Variants in VPS4A observed in about 807,000 individuals in gnomAD.
The protein encoded by VPS4A is vacuolar protein sorting 4 homolog A.
In VPS4A, 20 loss-of-function variants were observed where a neutral mutation model predicts 52.3. That is an observed-to-expected ratio of 0.38 (90% CI 0.27 to 0.56). The LOEUF (loss-of-function observed/expected upper bound fraction) is 0.56, where lower values mean the gene tolerates loss of function less well. Ranked by LOEUF, VPS4A falls within the 20% of genes least tolerant of loss-of-function variation. VPS4A has a pLI of 0.72. For synonymous variants in VPS4A, 293 were observed against 227.7 expected (o/e 1.29, Z -2.58); for missense variants, 419 against 575.9 (o/e 0.73, Z 2.79).
chr16:69,320,252 C>A lies in VPS4A; in HGVS notation c.732C>A (p.Ala244=), dbSNP rs1318076160. ...GAAATGAAAATGAGAGTGAGGCCGC[C>A]CGGAGGATCAAAACGGAGTTCTTGG... The part of the protein sequence containing the change: ...GSRNENESEA[A]RRIKTEFLVQ... The change falls in exon 7 of 11, where the codon GCC becomes GCA. Residue 244 remains alanine (A), a synonymous_variant. Coordinates refer to ENST00000254950, the MANE Select transcript of VPS4A (RefSeq NM_013245.3). The surrounding 1 kb of genome is among the most constrained non-coding windows in gnomAD (Gnocchi z 4.2). The A allele has an allele frequency of 6.2e-7, 1 of 1,613,976 alleles. No homozygotes were observed. Among genetic ancestry groups the A allele is most frequent in the Non-Finnish European group, 8.5e-7 (1 of 1,179,848 alleles).
chr16:69,316,400 ACCT>A (rs1965437465), intron 3 of VPS4A, 28 bp downstream of exon 3: 1 of 1,610,978 alleles, frequency 6.2e-7, no homozygotes, highest in Admixed American at 1.7e-5. Context: ...CCGCCCAGGA[ACCT>A]GGGCCCTCCT....
chr16:69,323,361 G>A (rs55955633), intron 10 of VPS4A: 13,753 of 235,550 alleles, frequency 0.058, 502 homozygotes, highest in South Asian at 0.079. Flanking sequence ...TGTTGCCCAG[G>A]CCAGTCTGAA....
chr16:69,322,539 G>C, intron 9 of VPS4A, 21 bp from the exon 10 acceptor site: 1 of 1,607,264 alleles, frequency 6.2e-7, no homozygotes, highest in Non-Finnish European at 8.5e-7. Flanking sequence ...AGCTGCCCCA[G>C]TCAGATCCAT....
rs920494012 is a variant in VPS4A, at chr16:69,320,283, A to G, written c.763A>G (p.Met255Val). Residue 255 changes from methionine (M) to valine (V), a missense_variant, in exon 7 of 11, where the codon ATG (methionine) becomes GTG (valine). Around this residue, in one of 3 missense-constraint regions of VPS4A, gnomAD observed 103 missense variants for 210.3 expected, o/e 0.49. Transcript: ENST00000254950. This position sits in a 1 kb window ranked among gnomAD's most constrained non-coding sequence, Gnocchi z 4.2. ...GATCAAAACGGAGTTCTTGGTCCAG[A>G]TGCAGGGTGTGTGCCGGGCCCAGGG... ...RRIKTEFLVQ[M>V]QGVGNNNDGT... is the part of the protein sequence containing the mutation. 4 of 1,613,386 alleles carry G rather than the reference A, an allele frequency of 2.5e-6. No individual in the cohort carries two copies. The highest frequency in any genetic ancestry group is 3.4e-6 in the Non-Finnish European group (4 of 1,179,438).
chr16:69,315,861 TG>T, intron 1 of VPS4A, 146 bp from the exon 2 acceptor site: 1 of 655,568 alleles, frequency 1.5e-6, no homozygotes, highest in South Asian at 2.0e-5. Flanking sequence ...TAGCCGATGT[TG>T]AAAAAGTAGG....
At chr16:69,322,490 A>G (rs1965525685) in intron 9 of VPS4A, 70 bp from the exon 10 acceptor site, 2 of 1,480,164 alleles carry the variant, frequency 1.4e-6, no homozygotes, top group Non-Finnish European at 1.8e-6. Flanking sequence ...GGACTTCCTT[A>G]GAGACCGGAG....
chr16:69,322,705 G>GTGACT lies in VPS4A; in HGVS notation c.1212+10_1212+14dup. The GTGACT allele has an allele frequency of 6.2e-7, 1 of 1,612,112 alleles. No homozygotes were observed. Among genetic ancestry groups the GTGACT allele is most frequent in the Non-Finnish European group, 8.5e-7 (1 of 1,178,762 alleles). ...TTAGAGCCTGTGGTTTGCATGGTAA[G>GTGACT]TGACTTGACAGGGGAGGGAAGAGGG... On this transcript the variant is annotated splice_donor_region_variant and intron_variant, in intron 10 of 10. Coordinates refer to ENST00000254950, the MANE Select transcript of VPS4A (RefSeq NM_013245.3).
chr16:69,320,001 T>C lies in VPS4A; in HGVS notation c.621-140T>C, dbSNP rs1333263315. The C allele has an allele frequency of 4.1e-6, 5 of 1,208,026 alleles. No individual in the cohort carries two copies. Among genetic ancestry groups the C allele is most frequent in the Middle Eastern group, 5.8e-4 (2 of 3,448 alleles). 74.8% of individuals were successfully genotyped at this position (1,208,026 alleles called of 1,614,324 possible). On this transcript the variant is annotated intron_variant, in intron 6 of 10. Coordinates refer to ENST00000254950, the MANE Select transcript of VPS4A (RefSeq NM_013245.3). This position sits in a 1 kb window ranked among gnomAD's most constrained non-coding sequence, Gnocchi z 4.2. ...TGGTGCAGTGTGGCCCGAGGGCTCC[T>C]CACCACCACGTTTTCCGCAATTCCG...
At chr16:69,314,789 A>T (rs960082902) in intron 1 of VPS4A, among the ~76,000 whole-genome samples, 8 of 151,664 alleles carry the variant, frequency 5.3e-5, no homozygotes, top group Non-Finnish European at 5.9e-5. Context: ...GCCGGTCAGG[A>T]GGTTTATTGT....
At position 69,321,175 on chromosome 16, in the gene VPS4A, A is replaced by T; in HGVS notation, c.976A>T (p.Thr326Ser). 6.3e-7 allele frequency: 1 copy of T among 1,577,412 alleles called. No homozygotes were observed. The highest frequency in any genetic ancestry group is 1.2e-5 in the South Asian group (1 of 85,706). ...DANIHELARK[T>S]EGYSGADISI... ...AAACATCCACGAGCTGGCCCGGAAG[A>T]CGGAAGGCTACTCGGGCGCGGACAT... Residue 326 changes from threonine (T) to serine (S), a missense_variant, in exon 9 of 11, where the codon ACG (threonine) becomes TCG (serine). Around this residue, in one of 3 missense-constraint regions of VPS4A, gnomAD observed 185 missense variants for 200.2 expected, o/e 0.92. Coordinates refer to ENST00000254950, the MANE Select transcript of VPS4A (RefSeq NM_013245.3). This position sits in a 1 kb window ranked among gnomAD's most constrained non-coding sequence, Gnocchi z 4.5.
chr16:69,322,938 T>C, intron 10 of VPS4A: 1 of 293,446 alleles, frequency 3.4e-6, no homozygotes, highest in South Asian at 6.9e-5. Flanking sequence ...TGTGGTGGTG[T>C]GCACTTGTAG....
chr16:69,311,751 G>A (rs1450186370), intron 1 of VPS4A, among the ~76,000 whole-genome samples: 1 of 152,188 alleles, frequency 6.6e-6, no homozygotes, highest in Non-Finnish European at 1.5e-5. Context: ...TGCCCGGCTG[G>A]CCCAGCCCCA....
intron 3 of VPS4A, among the ~76,000 whole-genome samples, chr16:69,317,874 T>A (rs1965457786): frequency 6.6e-6 from 1 of 150,604 alleles, no homozygotes; most frequent in South Asian, 2.1e-4. Flanking sequence ...ATTCAGAGAA[T>A]TACTTGAACC....
chr16:69,320,091 C>A lies in VPS4A; in HGVS notation c.621-50C>A. ...AAGAGGGAAGTGCCGGGAGCCCAGG[C>A]GGGCACGGACGTGAACGTCTTGTCC... On this transcript the variant is annotated intron_variant, in intron 6 of 10. Coordinates refer to ENST00000254950, the MANE Select transcript of VPS4A (RefSeq NM_013245.3). The surrounding 1 kb of genome is among the most constrained non-coding windows in gnomAD (Gnocchi z 4.2). 1 of 1,570,714 alleles carries A rather than the reference C, an allele frequency of 6.4e-7. No individual in the cohort carries two copies.
rs945089068 is a variant in VPS4A, at chr16:69,325,665, G to T, written c.*1356G>T. 1.3e-5 allele frequency: 2 copies of T among 151,664 alleles called. No individual in the cohort carries two copies. Among genetic ancestry groups the T allele is most frequent in the Non-Finnish European group, 2.9e-5 (2 of 67,958 alleles). The allele number at this position is 151,664 out of a possible 1,614,324, so 9.4% of individuals were successfully genotyped here. A position where few individuals can be genotyped will look rare whatever the true frequency, so the allele number is the denominator to read the frequency against. On this transcript the variant is annotated 3_prime_UTR_variant, in exon 11 of 11. Transcript: ENST00000254950. ...GGAGAATGGCGTGAACCCGGGGGACGGAGCTTGCAGTGAGCCGAGATCGCG... is the reference window on the plus strand; with the variant it reads ...GGAGAATGGCGTGAACCCGGGGGACTGAGCTTGCAGTGAGCCGAGATCGCG...
rs890701937 is a variant in VPS4A at position 69,320,824 on chromosome 16, G to A, written c.851+55G>A. 4.7e-5 allele frequency: 72 copies of A among 1,531,024 alleles called. No homozygotes were observed. The highest frequency in any genetic ancestry group is 5.7e-5 in the Non-Finnish European group (64 of 1,126,050). The allele number at this position is 1,531,024 out of a possible 1,614,324, so 94.8% of individuals were successfully genotyped here. Reference sequence around the variant, plus strand: ...GGAGGCTTCCTCCCACCATGGTCACGGTCCGCCTGCTGCTGGCAGCCCGGG... The same window carrying A: ...GGAGGCTTCCTCCCACCATGGTCACAGTCCGCCTGCTGCTGGCAGCCCGGG... On this transcript the variant is annotated intron_variant, in intron 8 of 10. Transcript: ENST00000254950. The surrounding 1 kb of genome is among the most constrained non-coding windows in gnomAD (Gnocchi z 4.2).
chr16:69,320,180 G>A lies in VPS4A; in HGVS notation c.660G>A (p.Lys220=). 6.2e-7 allele frequency: 1 copy of A among 1,613,916 alleles called. No homozygotes were observed. Among genetic ancestry groups the A allele is most frequent in the Non-Finnish European group, 8.5e-7 (1 of 1,179,850 alleles). Residue 220 remains lysine, a synonymous_variant, in exon 7 of 11, where the codon AAG becomes AAA. Transcript: ENST00000254950. The surrounding 1 kb of genome is among the most constrained non-coding windows in gnomAD (Gnocchi z 4.2). ...TGTTTGAGCTGGCCAGGCAGCACAA[G>A]CCCTCCATCATCTTCATCGATGAGG... ...KNLFELARQH[K]PSIIFIDEVD... is the part of the protein sequence containing the mutation.
chr16:69,320,592 A>G lies in VPS4A; in HGVS notation c.770-96A>G, dbSNP rs1034982609. 1.1e-5 allele frequency: 12 copies of G among 1,099,768 alleles called. No homozygotes were observed. The highest frequency in any genetic ancestry group is 5.2e-5 in the East Asian group (2 of 38,760). The allele number at this position is 1,099,768 out of a possible 1,614,324, so 68.1% of individuals were successfully genotyped here. On this transcript the variant is annotated intron_variant, in intron 7 of 10. Coordinates refer to ENST00000254950, the MANE Select transcript of VPS4A (RefSeq NM_013245.3). The surrounding 1 kb of genome is among the most constrained non-coding windows in gnomAD (Gnocchi z 4.2). ...GGTGGGTGGCACAGGGATGGCTTCA[A>G]TTGCTGACACACAAAGCCCCCGGGG...
At position 69,325,294 on chromosome 16, in the gene VPS4A, G is replaced by C. The variant is rs1187925837; in HGVS notation, c.*985G>C. ...TTGCCGTTGTTCGGCCTACAGATCA[G>C]AGACTGCAAAGTGGGAGCCCTGCGT... On this transcript the variant is annotated 3_prime_UTR_variant, in exon 11 of 11. Transcript: ENST00000254950. 6.6e-6 allele frequency: 1 copy of C among 152,252 alleles called. No homozygotes were observed. Among genetic ancestry groups the C allele is most frequent in the Non-Finnish European group, 1.5e-5 (1 of 68,088 alleles). 9.4% of individuals were successfully genotyped at this position (152,252 alleles called of 1,614,324 possible).
Sources: allele counts gnomAD v4.1 joint callset (sites outside exome capture counted in the v4.1 genomes callset), GRCh38; gene constraint gnomAD v4.1.1; regional missense constraint gnomAD v4.1.1; non-coding constraint Gnocchi (gnomAD v3.1); transcripts MANE v1.5; gene names NCBI Gene and HGNC (gene_info 2026-07-23, HGNC 2026-07-21).